CNIH3: variants seen among roughly 807,000 people sequenced by gnomAD.
The protein encoded by CNIH3 is protein cornichon homolog 3.
In CNIH3, 14 loss-of-function variants were observed where a neutral mutation model predicts 24.1. The ratio of observed to expected loss-of-function variants is 0.58; its 90% CI spans 0.38 to 0.91. CNIH3 has a LOEUF of 0.91. Among genes scored for constraint, CNIH3 ranks in the 40% least tolerant of loss-of-function variants. The pLI, the probability that CNIH3 is intolerant of heterozygous loss-of-function variation, is 0.00. For synonymous variants in CNIH3, 68 were observed against 73.8 expected, an observed-to-expected ratio of 0.92 and a Z score of 0.40; for missense variants, 178 against 196.8, an observed-to-expected ratio of 0.90 and a Z score of 0.57.
chr1:224,445,536 A>T, intron 1 of CNIH3, among the ~76,000 whole-genome samples: 1 of 140,718 alleles, frequency 7.1e-6, no homozygotes, highest in Non-Finnish European at 1.5e-5. Flanking sequence ...AGATCATGCC[A>T]CTGCATTCCA....
intron 4 of CNIH3, among the ~76,000 whole-genome samples, chr1:224,574,126 A>G (rs1440813623): frequency 6.6e-6 from 1 of 152,166 alleles, no homozygotes; most frequent in Non-Finnish European, 1.5e-5. Flanking sequence ...CATAAAATGC[A>G]TGTAGACTAG....
At chr1:224,536,692 A>G (rs1465000785) in intron 2 of CNIH3, among the ~76,000 whole-genome samples, 1 of 152,210 alleles carries the variant, frequency 6.6e-6, no homozygotes, top group East Asian at 1.9e-4. Context: ...AAAATGGGAT[A>G]GACAATAGTG....
intron 3 of CNIH3, among the ~76,000 whole-genome samples, chr1:224,720,132 C>A (rs1245100447): frequency 1.3e-5 from 2 of 152,156 alleles, no homozygotes; most frequent in South Asian, 4.1e-4. Context: ...TTTGCGAATG[C>A]CAGAACTTCC....
intron 3 of CNIH3, among the ~76,000 whole-genome samples, chr1:224,564,756 A>C (rs1020022215): frequency 2.6e-5 from 4 of 152,258 alleles, no homozygotes; most frequent in African/African-American, 4.8e-5. Flanking sequence ...TGCCTGGTTC[A>C]TGTGCCTGGG....
At position 224,458,292 on chromosome 1, in the gene CNIH3, G is replaced by A. The variant is rs575662321; in HGVS notation, n.203+23430G>A. Among the ~76,000 whole-genome samples the A allele has an allele frequency of 2.0e-5, 3 of 152,348 alleles. No individual in the cohort carries two copies. Among genetic ancestry groups the A allele is most frequent in the Admixed American group, 6.5e-5 (1 of 15,302 alleles). On this transcript the variant is annotated intron_variant and non_coding_transcript_variant, in intron 1 of 5. Coordinates refer to the CNIH3 transcript ENST00000471578. This position sits in a 1 kb window ranked among gnomAD's most constrained non-coding sequence, Gnocchi z 4.3. Reference sequence around the variant, plus strand: ...CCGTAGTCCCTGTGTGGTCAGCAGGGAAGGCAGCAGTGCTCTGTCAGTATT... The same window carrying A: ...CCGTAGTCCCTGTGTGGTCAGCAGGAAAGGCAGCAGTGCTCTGTCAGTATT...
At chr1:224,602,907 C>T (rs887227859) in intron 3 of CNIH3, among the ~76,000 whole-genome samples, 2 of 152,066 alleles carry the variant, frequency 1.3e-5, no homozygotes, top group African/African-American at 2.4e-5. Context: ...GTCTACAAAC[C>T]GAAAAGTATC....
chr1:224,523,787 A>G (rs1421668732), intron 2 of CNIH3, among the ~76,000 whole-genome samples: 1 of 152,220 alleles, frequency 6.6e-6, no homozygotes, highest in East Asian at 1.9e-4. Context: ...GTGATTCATT[A>G]AAATAATAAT....
chr1:224,728,520 G>A (rs1572827107), intron 3 of CNIH3, among the ~76,000 whole-genome samples: 1 of 151,854 alleles, frequency 6.6e-6, no homozygotes, highest in South Asian at 2.1e-4. Context: ...GAAGTCTAAG[G>A]TGAGGGTTAA....
chr1:224,676,825 C>G (rs542376210), intron 1 of CNIH3, among the ~76,000 whole-genome samples: 18 of 152,226 alleles, frequency 1.2e-4, no homozygotes, highest in Non-Finnish European at 1.9e-4. Context: ...TATCCTCAGA[C>G]AGGTCAGGAG....
intron 3 of CNIH3, among the ~76,000 whole-genome samples, chr1:224,562,946 G>A (rs1680433711): frequency 6.6e-6 from 1 of 152,180 alleles, no homozygotes; most frequent in Non-Finnish European, 1.5e-5. Context: ...GTTCCTATGT[G>A]CTACTGAAGA....
At chr1:224,720,757 T>A (rs1688677647) in intron 3 of CNIH3, among the ~76,000 whole-genome samples, 1 of 152,040 alleles carries the variant, frequency 6.6e-6, no homozygotes. Flanking sequence ...TCCCTGGAAG[T>A]CTCCCAGGTT....
At chr1:224,442,206 T>A (rs910874975) in intron 1 of CNIH3, among the ~76,000 whole-genome samples, 1 of 151,898 alleles carries the variant, frequency 6.6e-6, no homozygotes, top group African/African-American at 2.4e-5. Flanking sequence ...AGACAGGGTC[T>A]CCCCATGTTG....
chr1:224,639,399 A>C (rs1684248334), intron 1 of CNIH3, among the ~76,000 whole-genome samples: 1 of 152,260 alleles, frequency 6.6e-6, no homozygotes, highest in Non-Finnish European at 1.5e-5. Context: ...TGCGGGCCCC[A>C]CCTTCTCAAG....
chr1:224,737,041 T>TC (rs1689626955), intron 5 of CNIH3, among the ~76,000 whole-genome samples: 1 of 152,158 alleles, frequency 6.6e-6, no homozygotes, highest in South Asian at 2.1e-4. Flanking sequence ...AATGAGACCA[T>TC]TGTTTTCATT....
chr1:224,561,986 G>T (rs1680392587), intron 3 of CNIH3, among the ~76,000 whole-genome samples: 1 of 152,112 alleles, frequency 6.6e-6, no homozygotes, highest in Non-Finnish European at 1.5e-5. Context: ...AATGTAGAGG[G>T]CAAGGGAGGG....
chr1:224,614,771 A>G (rs1682864918), upstream of CNIH3, among the ~76,000 whole-genome samples: 1 of 151,930 alleles, frequency 6.6e-6, no homozygotes, highest in Non-Finnish European at 1.5e-5. Flanking sequence ...ACATGGTGAA[A>G]CCCCGTCTTT....
chr1:224,616,353 G>GCAGCAGCAGGTGGAGCGAGCTA lies in CNIH3; in HGVS notation c.-817_-796dup. On this transcript the variant is annotated 5_prime_UTR_variant, in exon 1 of 6. Coordinates refer to ENST00000272133, the MANE Select transcript of CNIH3 (RefSeq NM_152495.2). ...GGCGGCGGCGGCGGCGGCGGCAGCG[G>GCAGCAGCAGGTGGAGCGAGCTA]CAGCAGCAGGTGGAGCGAGCTACAG... 1 of 575,148 alleles carries GCAGCAGCAGGTGGAGCGAGCTA rather than the reference G, an allele frequency of 1.7e-6. No homozygotes were observed. Among genetic ancestry groups the GCAGCAGCAGGTGGAGCGAGCTA allele is most frequent in the Non-Finnish European group, 2.3e-6 (1 of 433,996 alleles). 35.6% of individuals were successfully genotyped at this position (575,148 alleles called of 1,614,324 possible). A position where few individuals can be genotyped will look rare whatever the true frequency, so the allele number is the denominator to read the frequency against.
chr1:224,654,447 G>A (rs1047757340), intron 1 of CNIH3, among the ~76,000 whole-genome samples: 18 of 152,194 alleles, frequency 1.2e-4, no homozygotes, highest in Admixed American at 9.8e-4. Context: ...CCTTGCTGTA[G>A]AGTTGGGTTT....
chr1:224,721,456 C>T (rs964990424), intron 3 of CNIH3, among the ~76,000 whole-genome samples: 8 of 152,134 alleles, frequency 5.3e-5, no homozygotes, highest in African/African-American at 1.9e-4. Flanking sequence ...TCTGAATTGC[C>T]AGCAAGTTGT....
Sources: allele counts gnomAD v4.1 joint callset (sites outside exome capture counted in the v4.1 genomes callset), GRCh38; gene constraint gnomAD v4.1.1; non-coding constraint Gnocchi (gnomAD v3.1); transcripts MANE v1.5; gene names NCBI Gene and HGNC (gene_info 2026-07-23, HGNC 2026-07-21).